NELL2: variants seen among roughly 807,000 people sequenced by gnomAD.
NELL2 encodes the protein protein kinase C-binding protein NELL2.
In NELL2, 41 loss-of-function variants were observed where a neutral mutation model predicts 109.6. The observed-to-expected ratio is 0.37, with a 90% confidence interval of 0.29 to 0.49. NELL2 has a LOEUF of 0.49. Ranked by LOEUF, NELL2 falls within the 20% of genes least tolerant of loss-of-function variation. The pLI is 0.98. For missense variants in NELL2, 900 were observed against 1,008.3 expected (o/e 0.89, Z 1.45); for synonymous variants, 355 against 344.7 (o/e 1.03, Z -0.33).
intron 12 of NELL2, among the ~76,000 whole-genome samples, chr12:44,675,929 A>G (rs1948300152): frequency 1.3e-5 from 2 of 152,144 alleles, no homozygotes; most frequent in East Asian, 3.8e-4. Flanking sequence ...GTGAGCACTC[A>G]GGCATGACAC....
chr12:44,893,387 CA>C (rs1331514332), intron 1 of NELL2, among the ~76,000 whole-genome samples: 2 of 152,112 alleles, frequency 1.3e-5, no homozygotes, highest in East Asian at 3.8e-4. Context: ...AAAACATAGC[CA>C]AATTAACCCT....
chr12:44,865,344 C>T (rs867995727), intron 2 of NELL2, among the ~76,000 whole-genome samples: 2 of 147,318 alleles, frequency 1.4e-5, no homozygotes, highest in Non-Finnish European at 3.0e-5. Flanking sequence ...GATCATGCTG[C>T]TCTAAAGACA....
At position 44,882,834 on chromosome 12, in the gene NELL2, C is replaced by CTT. The variant is rs35577007; in HGVS notation, c.39-6936_39-6935dup. Among the ~76,000 whole-genome samples, 567 of 73,268 alleles carry CTT rather than the reference C, an allele frequency of 7.7e-3. 2 individuals carry two copies. The highest frequency in any genetic ancestry group is 0.021 in the East Asian group (40 of 1,876). The allele number at this position is 73,268 out of a possible 152,430, so 48.1% of individuals were successfully genotyped here. A position where few individuals can be genotyped will look rare whatever the true frequency, so the allele number is the denominator to read the frequency against. Reference sequence around the variant, plus strand: ...TGAGCCACCATGCCTGGCTATATACCTTTTTTTTTTTTTTTTTTTTTTTTG... The same window carrying CTT: ...TGAGCCACCATGCCTGGCTATATACCTTTTTTTTTTTTTTTTTTTTTTTTTTG... On this transcript the variant is annotated intron_variant, in intron 1 of 20. Coordinates refer to the NELL2 transcript ENST00000333837.
chr12:44,533,617 C>G (rs1240130409), intron 15 of NELL2, among the ~76,000 whole-genome samples: 1 of 152,082 alleles, frequency 6.6e-6, no homozygotes, highest in African/African-American at 2.4e-5. Flanking sequence ...ATATTTCCTC[C>G]AGAGGCTTAT....
At chr12:44,693,110 G>A (rs1026227743) in intron 12 of NELL2, among the ~76,000 whole-genome samples, 7 of 152,046 alleles carry the variant, frequency 4.6e-5, no homozygotes, top group African/African-American at 1.2e-4. Flanking sequence ...AAATTTCATC[G>A]TTATCTTATT....
intron 12 of NELL2, among the ~76,000 whole-genome samples, chr12:44,676,413 C>T (rs1189272186): frequency 6.6e-6 from 1 of 152,036 alleles, no homozygotes; most frequent in African/African-American, 2.4e-5. Context: ...TAAGCTAACA[C>T]TGAAAGGAAC....
intron 13 of NELL2, among the ~76,000 whole-genome samples, chr12:44,656,000 A>C (rs1327265013): frequency 6.6e-6 from 1 of 152,198 alleles, no homozygotes; most frequent in African/African-American, 2.4e-5. Context: ...AAAAATGCAA[A>C]AGTCATTTCC....
At chr12:44,721,520 A>G (rs562200822) in intron 9 of NELL2, among the ~76,000 whole-genome samples, 1 of 152,334 alleles carries the variant, frequency 6.6e-6, no homozygotes, top group East Asian at 1.9e-4. Context: ...TTAGAACTAG[A>G]ATCCATATGA....
chr12:44,873,258 G>A (rs896455145), intron 2 of NELL2, among the ~76,000 whole-genome samples: 2 of 151,924 alleles, frequency 1.3e-5, no homozygotes, highest in Non-Finnish European at 2.9e-5. Context: ...TATTGAGCTC[G>A]GCATCAACAA....
intron 2 of NELL2, among the ~76,000 whole-genome samples, chr12:44,845,148 A>T (rs955613903): frequency 2.6e-5 from 4 of 152,204 alleles, no homozygotes; most frequent in African/African-American, 7.2e-5. Context: ...AATTGTCATT[A>T]AGTAATACAG....
intron 3 of NELL2, among the ~76,000 whole-genome samples, chr12:44,794,850 A>G (rs1177020104): frequency 6.6e-6 from 1 of 152,166 alleles, no homozygotes. Flanking sequence ...CTAAATTGAA[A>G]ATCACATTAT....
At chr12:44,655,541 T>G (rs1030407581) in intron 13 of NELL2, among the ~76,000 whole-genome samples, 1 of 152,236 alleles carries the variant, frequency 6.6e-6, no homozygotes, top group African/African-American at 2.4e-5. Context: ...AGAAAAGAGA[T>G]AAGCACATTG....
chr12:44,688,736 T>C (rs1948810012), intron 12 of NELL2, among the ~76,000 whole-genome samples: 1 of 152,202 alleles, frequency 6.6e-6, no homozygotes, highest in South Asian at 2.1e-4. Context: ...TCTCCAAATT[T>C]GGCATTTTTA....
chr12:44,528,412 A>G (rs1941901971), intron 16 of NELL2, among the ~76,000 whole-genome samples: 1 of 152,070 alleles, frequency 6.6e-6, no homozygotes, highest in Non-Finnish European at 1.5e-5. Flanking sequence ...GAATGCATTA[A>G]TTATGTTTTA....
At chr12:44,630,501 T>C (rs925854438) in intron 13 of NELL2, among the ~76,000 whole-genome samples, 6 of 152,168 alleles carry the variant, frequency 3.9e-5, no homozygotes, top group African/African-American at 1.4e-4. Context: ...GTAAACATGT[T>C]ACCCCTTAAC....
At chr12:44,582,662 G>T (rs1944364122) in intron 15 of NELL2, among the ~76,000 whole-genome samples, 1 of 152,092 alleles carries the variant, frequency 6.6e-6, no homozygotes, top group African/African-American at 2.4e-5. Context: ...TAAGGTCAAG[G>T]TTATGACCAC....
intron 15 of NELL2, among the ~76,000 whole-genome samples, chr12:44,539,995 A>G (rs1942475521): frequency 6.6e-6 from 1 of 152,194 alleles, no homozygotes; most frequent in Non-Finnish European, 1.5e-5. Flanking sequence ...CAAAAATAAC[A>G]TGATAGTAAA....
intron 3 of NELL2, among the ~76,000 whole-genome samples, chr12:44,790,640 T>C (rs1415486159): frequency 6.7e-6 from 1 of 150,112 alleles, no homozygotes; most frequent in Non-Finnish European, 1.5e-5. Context: ...AAGAACATGA[T>C]GAATGCAACG....
intron 16 of NELL2, among the ~76,000 whole-genome samples, chr12:44,523,811 T>A (rs1004856494): frequency 3.3e-5 from 5 of 152,192 alleles, no homozygotes; most frequent in Admixed American, 6.5e-5. Context: ...ACAAAAACAG[T>A]TTAGCAGTGG....
Sources: allele counts gnomAD v4.1 joint callset (sites outside exome capture counted in the v4.1 genomes callset), GRCh38; gene constraint gnomAD v4.1.1; transcripts MANE v1.5; gene names NCBI Gene and HGNC (gene_info 2026-07-23, HGNC 2026-07-21).